ARRDC4: variants seen among roughly 807,000 people sequenced by gnomAD.
ARRDC4 encodes the protein arrestin domain containing 4.
In ARRDC4, 40 loss-of-function variants were observed where a neutral mutation model predicts 44.6. The observed-to-expected ratio is 0.90, with a 90% CI of 0.70 to 1.17. The LOEUF (loss-of-function observed/expected upper bound fraction) is 1.17, where lower values mean the gene tolerates loss of function less well. Among genes scored for constraint, ARRDC4 ranks in the 50% most tolerant of loss-of-function variants. ARRDC4 has a pLI of 0.00. For missense variants in ARRDC4, 550 were observed against 559.1 expected (o/e 0.98, Z 0.16); for synonymous variants, 211 against 221.2 (o/e 0.95, Z 0.41).
At chr15:97,971,095 C>G in intron 7 of ARRDC4, 36 bp from the exon 8 acceptor site, 1 of 1,605,406 alleles carries the variant, frequency 6.2e-7, no homozygotes, top group Non-Finnish European at 8.5e-7. Flanking sequence ...TTAAATAATG[C>G]TACAACACTA....
chr15:97,963,314 A>G (rs1415377711), intron 1 of ARRDC4, among the ~76,000 whole-genome samples: 5 of 152,266 alleles, frequency 3.3e-5, no homozygotes, highest in African/African-American at 1.2e-4. Context: ...CTTTTACATT[A>G]AAAACAAAAC....
Position 97,970,699 on chromosome 15 carries a change from T to G in ARRDC4, c.1156T>G (p.Cys386Gly). Residue 386 changes from cysteine (C) to glycine (G), a missense_variant, in exon 7 of 8, where the codon TGT becomes GGT. Transcript: ENST00000268042. This position sits in a 1 kb window ranked among gnomAD's most constrained non-coding sequence, Gnocchi z 4.2. ...EGEVCCPVFA[C>G]IQEFRFQPPP... ...AGAAGTGTGCTGTCCTGTGTTTGCCTGTATACAAGAATTCCGGTTTCAACC... is the reference window on the plus strand; with the variant it reads ...AGAAGTGTGCTGTCCTGTGTTTGCCGGTATACAAGAATTCCGGTTTCAACC... 6.2e-7 allele frequency: 1 copy of G among 1,613,576 alleles called. No homozygotes were observed. Among genetic ancestry groups the G allele is most frequent in the Non-Finnish European group, 8.5e-7 (1 of 1,179,660 alleles).
intron 1 of ARRDC4, 126 bp downstream of exon 1, chr15:97,961,294 T>C (rs1488185809): frequency 1.6e-5 from 14 of 898,148 alleles, no homozygotes; most frequent in Admixed American, 4.4e-5. Flanking sequence ...GGGGGTGGGG[T>C]CCGGCCTACC....
In ARRDC4 at chr15:97,969,941, G is replaced by C; in HGVS notation, c.941G>C (p.Gly314Ala). 1 of 1,611,896 alleles carries C rather than the reference G, an allele frequency of 6.2e-7. No individual in the cohort carries two copies. The highest frequency in any genetic ancestry group is 8.5e-7 in the Non-Finnish European group (1 of 1,179,232). The change falls in exon 6 of 8, where the codon GGT (glycine) becomes GCT (alanine). Residue 314 changes from glycine (G) to alanine (A), a missense_variant. Gly to Ala is a moderately conservative substitution (Grantham distance 60). Coordinates refer to ENST00000268042, the MANE Select transcript of ARRDC4 (RefSeq NM_183376.3). ...ATGCTCGAACTGCCATTAGTGATCG[G>C]TACAATTCCATATAATGGTTTTGGC... ...KLMLELPLVI[G>A]TIPYNGFGSR...
chr15:97,961,890 C>G (rs1408411041), intron 1 of ARRDC4, among the ~76,000 whole-genome samples: 1 of 152,160 alleles, frequency 6.6e-6, no homozygotes, highest in Non-Finnish European at 1.5e-5. Flanking sequence ...CGGGATTTCC[C>G]TTCCTGCTCA....
Position 97,973,116 on chromosome 15 carries a change from T to C in ARRDC4, c.*1929T>C, listed in dbSNP as rs540274777. 6.6e-6 allele frequency: 1 copy of C among 152,372 alleles called. No individual in the cohort carries two copies. Among genetic ancestry groups the C allele is most frequent in the South Asian group, 2.1e-4 (1 of 4,834 alleles). The allele number at this position is 152,372 out of a possible 1,614,324, so 9.4% of individuals were successfully genotyped here. On this transcript the variant is annotated 3_prime_UTR_variant, in exon 8 of 8. Transcript: ENST00000268042. ...CTTTAGAAAAGATCATCTTCAACTG[T>C]TTATTGACTTCTGAGTTATATAGTT...
intron 5 of ARRDC4, 113 bp from the exon 6 acceptor site, chr15:97,969,770 G>T: frequency 1.1e-6 from 1 of 941,656 alleles, no homozygotes; most frequent in African/African-American, 1.7e-5. Flanking sequence ...GGGGGTGGTG[G>T]CAGCCGACAA....
Position 97,966,088 on chromosome 15 carries a change from CCCTTCCT to C in ARRDC4, c.522+54_522+60del. 1.3e-6 allele frequency: 2 copies of C among 1,594,112 alleles called. No homozygotes were observed. Among genetic ancestry groups the C allele is most frequent in the African/African-American group, 2.7e-5 (2 of 74,574 alleles). ...TTCCTCCTCCTTTTCCTCCTTCCCT[CCCTTCCT>C]CCTTCCTTTCAACAGTGGGATCTAT... On this transcript the variant is annotated intron_variant, in intron 3 of 7. Coordinates refer to ENST00000268042, the MANE Select transcript of ARRDC4 (RefSeq NM_183376.3). The surrounding 1 kb of genome is among the most constrained non-coding windows in gnomAD (Gnocchi z 4.7).
chr15:97,969,579 T>C (rs1470777128), intron 5 of ARRDC4, among the ~76,000 whole-genome samples, 200 bp downstream of exon 5: 2 of 152,184 alleles, frequency 1.3e-5, no homozygotes, highest in Non-Finnish European at 2.9e-5. Flanking sequence ...CATAAAAGAA[T>C]TGAGGTGCAT....
Position 97,970,526 on chromosome 15 carries a change from C to A in ARRDC4, c.1046-63C>A. 1.3e-6 allele frequency: 2 copies of A among 1,495,536 alleles called. No individual in the cohort carries two copies. The highest frequency in any genetic ancestry group is 1.8e-6 in the Non-Finnish European group (2 of 1,098,166). 92.6% of individuals were successfully genotyped at this position (1,495,536 alleles called of 1,614,324 possible). On this transcript the variant is annotated intron_variant, in intron 6 of 7. Transcript: ENST00000268042. The surrounding 1 kb of genome is among the most constrained non-coding windows in gnomAD (Gnocchi z 4.2). ...GTTTAGCTGTTTCTTGTTTTTGTAGCAGTTAAGAATCGAGATTAATTTTTG... is the reference window on the plus strand; with the variant it reads ...GTTTAGCTGTTTCTTGTTTTTGTAGAAGTTAAGAATCGAGATTAATTTTTG...
chr15:97,963,589 A>G (rs1220268434), intron 1 of ARRDC4, among the ~76,000 whole-genome samples: 5 of 151,890 alleles, frequency 3.3e-5, no homozygotes, highest in East Asian at 3.9e-4. Context: ...TTCCCTTCCT[A>G]TCTGTCTCCA....
At position 97,970,799 on chromosome 15, in the gene ARRDC4, TTTTGTCATCCGTTCATTA is replaced by T. The variant is rs554214084; in HGVS notation, c.1200+57_1200+74del. ...ACTGTATTATTTTCAAATAATCATT[TTTTGTCATCCGTTCATTA>T]GAGTGTCTGTTGCTGACTCATAATT... On this transcript the variant is annotated intron_variant, in intron 7 of 7. Coordinates refer to ENST00000268042, the MANE Select transcript of ARRDC4 (RefSeq NM_183376.3). The surrounding 1 kb of genome is among the most constrained non-coding windows in gnomAD (Gnocchi z 4.2). 9,055 of 1,557,806 alleles carry T rather than the reference TTTTGTCATCCGTTCATTA, an allele frequency of 5.8e-3. 64 individuals carry two copies. Among genetic ancestry groups the T allele is most frequent in the Middle Eastern group, 0.037 (218 of 5,868 alleles).
chr15:97,965,593 C>G lies in ARRDC4; in HGVS notation c.308-7C>G. 1 of 1,600,544 alleles carries G rather than the reference C, an allele frequency of 6.2e-7. No individual in the cohort carries two copies. The highest frequency in any genetic ancestry group is 8.6e-7 in the Non-Finnish European group (1 of 1,167,776). ...CCTTCATTAAAATAAAATACAATCT[C>G]TTATAGGTGAAGGCATCATTTTATT... On this transcript the variant is annotated splice_polypyrimidine_tract_variant and splice_region_variant and intron_variant, in intron 1 of 7. Transcript: ENST00000268042. The surrounding 1 kb of genome is among the most constrained non-coding windows in gnomAD (Gnocchi z 5.1).
rs1232997426 is a variant in ARRDC4, at chr15:97,960,773, G to A, written c.-89G>A. ...TGCCGCGGCGGCCTTACCCTGCCGCGAGCGCCTGTGACAGCGGCGCCGCTG... is the reference window on the plus strand; with the variant it reads ...TGCCGCGGCGGCCTTACCCTGCCGCAAGCGCCTGTGACAGCGGCGCCGCTG... On this transcript the variant is annotated 5_prime_UTR_variant, in exon 1 of 8. Coordinates refer to ENST00000268042, the MANE Select transcript of ARRDC4 (RefSeq NM_183376.3). 2.5e-6 allele frequency: 3 copies of A among 1,186,998 alleles called. No homozygotes were observed. Among genetic ancestry groups the A allele is most frequent in the South Asian group, 3.4e-5 (1 of 29,042 alleles). The allele number at this position is 1,186,998 out of a possible 1,614,324, so 73.5% of individuals were successfully genotyped here. A position where few individuals can be genotyped will look rare whatever the true frequency, so the allele number is the denominator to read the frequency against.
In ARRDC4 at chr15:97,970,158, T is replaced by C; in HGVS notation, c.1045+113T>C. ...TTGATGAGTACTGCTACTATAGGTA[T>C]CTTTATTCCTACTACTAAAAAATCA... On this transcript the variant is annotated intron_variant, in intron 6 of 7. Transcript: ENST00000268042. The surrounding 1 kb of genome is among the most constrained non-coding windows in gnomAD (Gnocchi z 4.2). 1 of 1,131,538 alleles carries C rather than the reference T, an allele frequency of 8.8e-7. No homozygotes were observed. The highest frequency in any genetic ancestry group is 2.6e-5 in the East Asian group (1 of 38,452). 70.1% of individuals were successfully genotyped at this position (1,131,538 alleles called of 1,614,324 possible).
chr15:97,970,887 A>T lies in ARRDC4; in HGVS notation c.1200+144A>T. The stretch of plus-strand genomic sequence containing the variant: ...TTTGTTTATACAGTGGTAATAGATT[A>T]TCGCTGATTCATTTGCCAGATTTTT... On this transcript the variant is annotated intron_variant, in intron 7 of 7. Transcript: ENST00000268042. The surrounding 1 kb of genome is among the most constrained non-coding windows in gnomAD (Gnocchi z 4.2). 9.2e-7 allele frequency: 1 copy of T among 1,088,146 alleles called. No homozygotes were observed. Among genetic ancestry groups the T allele is most frequent in the East Asian group, 2.5e-5 (1 of 39,554 alleles). 67.4% of individuals were successfully genotyped at this position (1,088,146 alleles called of 1,614,324 possible).
rs528993729 is a variant in ARRDC4, at chr15:97,966,312, A to G, written c.522+270A>G. Among the ~76,000 whole-genome samples the G allele has an allele frequency of 6.6e-6, 1 of 152,360 alleles. No individual in the cohort carries two copies. The highest frequency in any genetic ancestry group is 1.9e-4 in the East Asian group (1 of 5,196). Reference sequence around the variant, plus strand: ...TTGCCAAAAAGTTACACAGGCTTGAAATGCATTAATAAGGCTTAATAACAA... The same window carrying G: ...TTGCCAAAAAGTTACACAGGCTTGAGATGCATTAATAAGGCTTAATAACAA... On this transcript the variant is annotated intron_variant, in intron 3 of 7. Transcript: ENST00000268042. This position sits in a 1 kb window ranked among gnomAD's most constrained non-coding sequence, Gnocchi z 4.7.
In ARRDC4 at chr15:97,969,244, C is replaced by G; in HGVS notation, c.747C>G (p.His249Gln). 1.2e-6 allele frequency: 2 copies of G among 1,613,954 alleles called. No individual in the cohort carries two copies. The highest frequency in any genetic ancestry group is 1.7e-6 in the Non-Finnish European group (2 of 1,179,916). ...GTGGAAAAACAAAGACCATTCGACA[C>G]ATGGTCGCCAATGTGCGAGGAAACC... is the stretch of plus-strand genomic sequence containing the variant. ...LASGKTKTIR[H>Q]MVANVRGNHI... Residue 249 changes from histidine (H) to glutamine (Q), a missense_variant, in exon 5 of 8, where the codon CAC becomes CAG. By Grantham distance (24) the His-to-Gln change is conservative. Coordinates refer to ENST00000268042, the MANE Select transcript of ARRDC4 (RefSeq NM_183376.3).
chr15:97,968,977 GGC>G lies in ARRDC4; in HGVS notation c.626-145_626-144del, dbSNP rs1567194307. 1 of 862,734 alleles carries G rather than the reference GGC, an allele frequency of 1.2e-6. No homozygotes were observed. Among genetic ancestry groups the G allele is most frequent in the African/African-American group, 1.7e-5 (1 of 59,118 alleles). 53.4% of individuals were successfully genotyped at this position (862,734 alleles called of 1,614,324 possible). On this transcript the variant is annotated intron_variant, in intron 4 of 7. Transcript: ENST00000268042. This position sits in a 1 kb window ranked among gnomAD's most constrained non-coding sequence, Gnocchi z 5.4. Reference sequence around the variant, plus strand: ...ACCTGCAGTGAATTTTTATTTCTCTGGCTTGAATTTACAATATGTTTTCCATC... The same window carrying G: ...ACCTGCAGTGAATTTTTATTTCTCTGTTGAATTTACAATATGTTTTCCATC...
Sources: allele counts gnomAD v4.1 joint callset (sites outside exome capture counted in the v4.1 genomes callset), GRCh38; gene constraint gnomAD v4.1.1; non-coding constraint Gnocchi (gnomAD v3.1); transcripts MANE v1.5; gene names NCBI Gene and HGNC (gene_info 2026-07-23, HGNC 2026-07-21).